RPS5: variants seen among roughly 807,000 people sequenced by gnomAD.
The protein encoded by RPS5 is ribosomal protein S5.
A neutral mutation model predicts 20.9 loss-of-function variants in RPS5; 2 were observed. The observed-to-expected ratio is 0.10, with a 90% CI of 0.04 to 0.30. RPS5 has a LOEUF of 0.30. Among genes scored for constraint, RPS5 ranks in the 10% least tolerant of loss-of-function variants. RPS5 has a pLI of 1.00. For synonymous variants in RPS5, 112 were observed against 105.8 expected, an observed-to-expected ratio of 1.06 and a Z score of -0.36; for missense variants, 122 against 287.2, an observed-to-expected ratio of 0.42 and a Z score of 4.16.
chr19:58,392,338 A>G (rs1333538244), intron 2 of RPS5, among the ~76,000 whole-genome samples: 1 of 150,064 alleles, frequency 6.7e-6, no homozygotes, highest in South Asian at 2.1e-4. Flanking sequence ...GGGAAAAAAA[A>G]AACTAGGCCA....
At chr19:58,387,543 G>A (rs2052333605) in intron 1 of RPS5, 1 of 152,278 alleles carries the variant, frequency 6.6e-6, no homozygotes, top group Admixed American at 6.5e-5. Context: ...GGGGCTTGGG[G>A]AACTTGGTTT....
chr19:58,390,851 T>G (rs2052358578), intron 2 of RPS5, among the ~76,000 whole-genome samples: 3 of 142,014 alleles, frequency 2.1e-5, no homozygotes, highest in South Asian at 4.3e-4. Flanking sequence ...AGACTGTGAG[T>G]TTTTTTTTTC....
rs771005130 is a variant in RPS5 at position 58,393,344 on chromosome 19, C to T, written c.319-15C>T. 1.9e-6 allele frequency: 3 copies of T among 1,613,066 alleles called. No individual in the cohort carries two copies. The highest frequency in any genetic ancestry group is 3.3e-5 in the Admixed American group (2 of 60,014). On this transcript the variant is annotated splice_polypyrimidine_tract_variant and intron_variant, in intron 3 of 5. Transcript: ENST00000196551. ...ATGGGGCTGGATGTCAGGCTCATAT[C>T]CCCCTTCTCTCTAGAACCCTCTGCA... is the stretch of plus-strand genomic sequence containing the variant.
intron 2 of RPS5, among the ~76,000 whole-genome samples, chr19:58,392,234 G>C (rs1446429456): frequency 3.3e-5 from 5 of 152,134 alleles, no homozygotes; most frequent in Admixed American, 2.6e-4. Context: ...TGAGGCAGGA[G>C]AATCACTTGA....
rs1296343771 is a variant in RPS5 at position 58,393,093 on chromosome 19, A to G, written c.226A>G (p.Met76Val). The change falls in exon 3 of 6, where the codon ATG (methionine) becomes GTG (valine). Residue 76 changes from methionine (M) to valine (V), a missense_variant. Around this residue, in one of 6 missense-constraint regions of RPS5, gnomAD observed 49 missense variants for 64.9 expected, o/e 0.75. Coordinates refer to ENST00000196551, the MANE Select transcript of RPS5 (RefSeq NM_001009.4). ...CATTGTGGAGCGCCTCACTAACTCC[A>G]TGATGATGCACGGCCGCAACAACGG... ...CPIVERLTNS[M>V]MMHGRNNGKK... 1.9e-5 allele frequency: 31 copies of G among 1,614,136 alleles called. No individual in the cohort carries two copies. Among genetic ancestry groups the G allele is most frequent in the East Asian group, 4.5e-5 (2 of 44,900 alleles).
chr19:58,388,648 T>G lies in RPS5; in HGVS notation c.108+403T>G, dbSNP rs1031132548. On this transcript the variant is annotated intron_variant, in intron 2 of 5. Coordinates refer to ENST00000196551, the MANE Select transcript of RPS5 (RefSeq NM_001009.4). ...TCAGCTGGCCGTAGTTTTTTTTTTT[T>G]TTTTTTTTTTTTGAGACGGAGTCTC... The G allele has an allele frequency of 3.5e-4, 136 of 390,512 alleles. 3 individuals are homozygous for G. The highest frequency in any genetic ancestry group is 5.6e-4 in the Non-Finnish European group (125 of 223,354). The allele number at this position is 390,512 out of a possible 1,614,324, so 24.2% of individuals were successfully genotyped here.
chr19:58,391,351 G>C (rs1476002871), intron 2 of RPS5, among the ~76,000 whole-genome samples: 1 of 147,776 alleles, frequency 6.8e-6, no homozygotes, highest in African/African-American at 2.5e-5. Flanking sequence ...AGAATCGCTT[G>C]AACCTGGGAG....
At chr19:58,393,247 A>G (rs2052375603) in intron 3 of RPS5, 62 bp downstream of exon 3, 37 of 1,611,632 alleles carry the variant, frequency 2.3e-5, no homozygotes, top group Non-Finnish European at 3.1e-5. Context: ...AGCCCCACGG[A>G]GTGTATGTCA....
chr19:58,387,788 T>A (rs973909753), intron 1 of RPS5: 2 of 287,060 alleles, frequency 7.0e-6, no homozygotes, highest in East Asian at 1.8e-4. Flanking sequence ...AACGTTGACT[T>A]GGGTCAAAGA....
rs3048304 is a variant in RPS5, at chr19:58,388,636, G to GTTTTTTTT, written c.108+408_108+415dup. The GTTTTTTTT allele has an allele frequency of 1.2e-4, 26 of 209,926 alleles. 2 individuals are homozygous for GTTTTTTTT. The highest frequency in any genetic ancestry group is 1.6e-4 in the Non-Finnish European group (19 of 119,292). 13.0% of individuals were successfully genotyped at this position (209,926 alleles called of 1,614,324 possible). A position where few individuals can be genotyped will look rare whatever the true frequency, so the allele number is the denominator to read the frequency against. ...ACTTGTCATAAATCAGCTGGCCGTA[G>GTTTTTTTT]TTTTTTTTTTTTTTTTTTTTTTTTG... On this transcript the variant is annotated intron_variant, in intron 2 of 5. Transcript: ENST00000196551.
At chr19:58,392,796 A>G (rs1475977957) in intron 2 of RPS5, among the ~76,000 whole-genome samples, 180 bp from the exon 3 acceptor site, 1 of 152,144 alleles carries the variant, frequency 6.6e-6, no homozygotes, top group East Asian at 1.9e-4. Flanking sequence ...TCACCTGTTC[A>G]GGGTTTTTTT....
At chr19:58,393,741 T>A in intron 4 of RPS5, 1 of 438,406 alleles carries the variant, frequency 2.3e-6, no homozygotes, top group Non-Finnish European at 4.0e-6. Context: ...TATGTACTTT[T>A]TTTTTTTTTC....
intron 4 of RPS5, chr19:58,393,703 TTGGGTGTATA>T: frequency 1.7e-6 from 1 of 585,242 alleles, no homozygotes; most frequent in Non-Finnish European, 3.0e-6. Context: ...TTTCTTTCCT[TTGGGTGTATA>T]TTTTTACACT....
intron 2 of RPS5, 192 bp downstream of exon 2, chr19:58,388,437 TGA>T (rs1177590852): frequency 1.2e-5 from 7 of 586,248 alleles, no homozygotes; most frequent in Non-Finnish European, 2.1e-5. Context: ...ACTTCTGTCA[TGA>T]GAGGACTCCT....
At chr19:58,389,696 G>T (rs1027041555) in intron 2 of RPS5, among the ~76,000 whole-genome samples, 7 of 151,698 alleles carry the variant, frequency 4.6e-5, no homozygotes, top group Non-Finnish European at 8.8e-5. Flanking sequence ...GAGTGCAATG[G>T]CACGATCTTA....
At chr19:58,392,240 C>A (rs867438576) in intron 2 of RPS5, among the ~76,000 whole-genome samples, 1 of 151,914 alleles carries the variant, frequency 6.6e-6, no homozygotes, top group Non-Finnish European at 1.5e-5. Flanking sequence ...AGGAGAATCA[C>A]TTGAACCCAG....
At chr19:58,389,222 A>G (rs924602661) in intron 2 of RPS5, among the ~76,000 whole-genome samples, 11 of 152,154 alleles carry the variant, frequency 7.2e-5, no homozygotes, top group Non-Finnish European at 1.2e-4. Flanking sequence ...TATAAAGATG[A>G]ATATAACTTG....
chr19:58,389,090 T>G (rs1003530662), intron 2 of RPS5, among the ~76,000 whole-genome samples: 2 of 152,124 alleles, frequency 1.3e-5, no homozygotes, highest in African/African-American at 4.8e-5. Flanking sequence ...ACACATACCC[T>G]TTTTTTCCCC....
rs1490848819 is a variant in RPS5 at position 58,394,408 on chromosome 19, A to G, written c.448-89A>G. 3.9e-5 allele frequency: 43 copies of G among 1,097,918 alleles called. No homozygotes were observed. In the South Asian group the frequency reaches 5.1e-4, roughly 13 times the overall value. 68.0% of individuals were successfully genotyped at this position (1,097,918 alleles called of 1,614,324 possible). A position where few individuals can be genotyped will look rare whatever the true frequency, so the allele number is the denominator to read the frequency against. ...TGTCTCAGTGGGCCTATGGGTGACA[A>G]CGTGGCTGGCAGCATCAGTTGGGAG... On this transcript the variant is annotated intron_variant, in intron 4 of 5. Coordinates refer to ENST00000196551, the MANE Select transcript of RPS5 (RefSeq NM_001009.4).
Sources: gnomAD v4.1 joint callset for allele counts (sites outside exome capture counted in the v4.1 genomes callset) on GRCh38, gnomAD v4.1.1 for gene constraint, gnomAD v4.1.1 regional missense constraint, MANE v1.5 for transcripts, NCBI Gene and HGNC (gene_info 2026-07-23, HGNC 2026-07-21) for gene names.